Variants in RPTOR observed in about 807,000 individuals in gnomAD.
RPTOR encodes regulatory associated protein of MTOR complex 1.
In RPTOR, 21 loss-of-function variants were observed where a neutral mutation model predicts 169.9. The ratio of observed to expected loss-of-function variants is 0.12; its 90% CI spans 0.09 to 0.18. The LOEUF is 0.18. Among genes scored for constraint, RPTOR ranks in the 10% least tolerant of loss-of-function variants. The pLI, the probability that RPTOR is intolerant of heterozygous loss-of-function variation, is 1.00. For synonymous variants in RPTOR, 732 were observed against 753.2 expected, an observed-to-expected ratio of 0.97 and a Z score of 0.46; for missense variants, 1,133 against 1,855.9, an observed-to-expected ratio of 0.61 and a Z score of 7.16.
intron 4 of RPTOR, among the ~76,000 whole-genome samples, chr17:80,712,978 C>T (rs796159039): frequency 1.2e-4 from 19 of 152,266 alleles, no homozygotes; most frequent in African/African-American, 4.6e-4. Context: ...TGAGGTATCT[C>T]TTCAGGTTTT....
chr17:80,663,459 C>T (rs1389449275), intron 3 of RPTOR, among the ~76,000 whole-genome samples: 1 of 149,316 alleles, frequency 6.7e-6, no homozygotes, highest in Non-Finnish European at 1.5e-5. Context: ...TTTCCTCCAG[C>T]ACTCTGGAGA....
At chr17:80,822,722 G>A (rs2067393850) in intron 8 of RPTOR, among the ~76,000 whole-genome samples, 1 of 152,196 alleles carries the variant, frequency 6.6e-6, no homozygotes, top group African/African-American at 2.4e-5. Context: ...ATGTGTACAT[G>A]TGTATGCATA....
At chr17:80,940,342 T>C in intron 24 of RPTOR, 154 bp from the exon 25 acceptor site, 1 of 603,596 alleles carries the variant, frequency 1.7e-6, no homozygotes, top group East Asian at 2.9e-5. Context: ...GGAGGATGTG[T>C]TCTGCTTGTA....
chr17:80,611,563 C>T lies in RPTOR; in HGVS notation c.163-14128C>T, dbSNP rs556584547. On this transcript the variant is annotated intron_variant, in intron 1 of 33. Transcript: ENST00000306801. ...GTTACAGGCGTGAGCAGGAGTGAGC[C>T]ACCATGCCTGGCTAGTGATTTTCTT... 1.1e-4 allele frequency among the ~76,000 whole-genome samples: 16 copies of T among 152,190 alleles called. No homozygotes were observed. In the East Asian group the frequency reaches 1.2e-3, roughly 11 times the overall value.
At chr17:80,737,809 GC>G (rs71163994) in intron 5 of RPTOR, among the ~76,000 whole-genome samples, 1 of 133,012 alleles carries the variant, frequency 7.5e-6, no homozygotes, top group Non-Finnish European at 1.5e-5. Flanking sequence ...TTTCTCCCCC[GC>G]CCCCCCGCCA....
chr17:80,699,616 T>A (rs2066066538), intron 3 of RPTOR, among the ~76,000 whole-genome samples: 3 of 120,356 alleles, frequency 2.5e-5, no homozygotes, highest in African/African-American at 8.1e-5. Context: ...GATGGGGAGC[T>A]AGAGGTGCTG....
chr17:80,582,003 A>C (rs1774600076), intron 1 of RPTOR, among the ~76,000 whole-genome samples: 1 of 152,202 alleles, frequency 6.6e-6, no homozygotes, highest in East Asian at 1.9e-4. Context: ...ACTCCTTTCC[A>C]GGCTGAGAAG....
intron 11 of RPTOR, among the ~76,000 whole-genome samples, chr17:80,848,054 C>T (rs540136959): frequency 1.3e-5 from 2 of 152,346 alleles, no homozygotes; most frequent in Admixed American, 6.5e-5. Context: ...GAATCTCAGC[C>T]AGAGAAAGAG....
chr17:80,632,981 G>A (rs2065453663), intron 2 of RPTOR, among the ~76,000 whole-genome samples: 1 of 151,940 alleles, frequency 6.6e-6, no homozygotes, highest in African/African-American at 2.4e-5. Flanking sequence ...AATTTTTTAT[G>A]GAGACAGGGT....
At chr17:80,893,010 A>ACTCATCACCATG in intron 19 of RPTOR, 141 bp downstream of exon 19, 2 of 1,046,910 alleles carry the variant, frequency 1.9e-6, no homozygotes, top group African/African-American at 1.6e-5. Context: ...CAACATGGTG[A>ACTCATCACCATG]TGAGTCACCC....
intron 2 of RPTOR, among the ~76,000 whole-genome samples, chr17:80,634,489 A>G (rs62648832): frequency 0.39 from 39,006 of 98,930 alleles, 6,940 homozygotes; most frequent in Middle Eastern, 0.45. Flanking sequence ...CTGTGTGTGC[A>G]TACTGTGTGT....
At chr17:80,748,114 G>C (rs529531055) in intron 5 of RPTOR, among the ~76,000 whole-genome samples, 7 of 117,440 alleles carry the variant, frequency 6.0e-5, no homozygotes, top group African/African-American at 2.2e-4. Flanking sequence ...AGGACCTGTT[G>C]GGTGGATGGA....
chr17:80,592,856 C>G (rs566574786), intron 1 of RPTOR, among the ~76,000 whole-genome samples: 1 of 152,262 alleles, frequency 6.6e-6, no homozygotes, highest in African/African-American at 2.4e-5. Context: ...GACAGGCCTG[C>G]GTTTCCCTGG....
chr17:80,859,314 A>G (rs1481748766), intron 13 of RPTOR, among the ~76,000 whole-genome samples: 1 of 152,228 alleles, frequency 6.6e-6, no homozygotes, highest in African/African-American at 2.4e-5. Flanking sequence ...AGAGTGGTGC[A>G]AAGGGTCTGG....
intron 3 of RPTOR, among the ~76,000 whole-genome samples, chr17:80,652,705 C>T (rs1598193806): frequency 6.6e-6 from 1 of 152,320 alleles, no homozygotes; most frequent in South Asian, 2.1e-4. Context: ...TTGAATAATG[C>T]CGCTATGAAT....
intron 3 of RPTOR, among the ~76,000 whole-genome samples, chr17:80,666,445 C>A (rs142782639): frequency 9.9e-4 from 150 of 152,026 alleles, no homozygotes; most frequent in Non-Finnish European, 1.9e-3. Context: ...TAGGTGAGGC[C>A]GAAACAAGTG....
At chr17:80,691,604 G>A (rs74729945) in intron 3 of RPTOR, among the ~76,000 whole-genome samples, 2,040 of 152,202 alleles carry the variant, frequency 0.013, 61 homozygotes, top group African/African-American at 0.046. Context: ...TGCAGTTCTC[G>A]CGGTCCTCAA....
In RPTOR at chr17:80,908,933, C is replaced by G. The variant is rs375044284; in HGVS notation, c.2520+4C>G. On this transcript the variant is annotated splice_donor_region_variant and intron_variant, in intron 21 of 33. Coordinates refer to ENST00000306801, the MANE Select transcript of RPTOR (RefSeq NM_020761.3). ...ACTCAACAGCATCGCCTACAAGGTACGTGCCGGGCGCTCCCCACCGCGCTC... is the reference window on the plus strand; with the variant it reads ...ACTCAACAGCATCGCCTACAAGGTAGGTGCCGGGCGCTCCCCACCGCGCTC... 2.5e-6 allele frequency: 4 copies of G among 1,603,348 alleles called. No individual in the cohort carries two copies. The highest frequency in any genetic ancestry group is 3.4e-6 in the Non-Finnish European group (4 of 1,170,956).
chr17:80,648,250 G>A (rs2065612282), intron 3 of RPTOR, among the ~76,000 whole-genome samples: 1 of 152,166 alleles, frequency 6.6e-6, no homozygotes, highest in South Asian at 2.1e-4. Flanking sequence ...GGGAGGAGGG[G>A]GTTTGGGGAG....
Sources: allele counts gnomAD v4.1 joint callset (sites outside exome capture counted in the v4.1 genomes callset), GRCh38; gene constraint gnomAD v4.1.1; transcripts MANE v1.5; gene names NCBI Gene and HGNC (gene_info 2026-07-23, HGNC 2026-07-21).